Variants in UTRN observed in about 807,000 individuals in gnomAD.
UTRN encodes the protein dystrophin-related protein 1.
In UTRN, 283 loss-of-function variants were observed where a neutral mutation model predicts 463.9. That is an observed-to-expected ratio of 0.61 (90% CI 0.55 to 0.67). The LOEUF (loss-of-function observed/expected upper bound fraction) is 0.67, where lower values mean the gene tolerates loss of function less well. Ranked by LOEUF, UTRN falls within the 30% of genes least tolerant of loss-of-function variation. The pLI is 0.00. For synonymous variants in UTRN, 1,442 were observed against 1,431.5 expected (o/e 1.01, Z -0.17); for missense variants, 3,922 against 4,084.3 (o/e 0.96, Z 1.08).
At chr6:144,715,850 A>G (rs774657666) in intron 53 of UTRN, among the ~76,000 whole-genome samples, 2 of 151,546 alleles carry the variant, frequency 1.3e-5, no homozygotes, top group East Asian at 1.9e-4. Flanking sequence ...CCAAGGGAAC[A>G]TGTCCTTTGG....
chr6:144,660,580 A>G (rs1779773199), intron 51 of UTRN, among the ~76,000 whole-genome samples: 1 of 152,152 alleles, frequency 6.6e-6, no homozygotes, highest in Non-Finnish European at 1.5e-5. Context: ...AAAAAAAAAG[A>G]AAATGAAAAT....
chr6:144,667,761 A>G (rs1264673954), intron 51 of UTRN, among the ~76,000 whole-genome samples: 1 of 152,142 alleles, frequency 6.6e-6, no homozygotes, highest in Non-Finnish European at 1.5e-5. Context: ...GAGAATTTCT[A>G]TTTGGCACAT....
chr6:144,828,036 T>G (rs1780342563), intron 68 of UTRN, among the ~76,000 whole-genome samples: 1 of 152,156 alleles, frequency 6.6e-6, no homozygotes, highest in Admixed American at 6.6e-5. Context: ...GTAATTAAAT[T>G]TATGCTAATG....
At chr6:144,733,850 C>G (rs1365304232) in intron 54 of UTRN, among the ~76,000 whole-genome samples, 1 of 152,140 alleles carries the variant, frequency 6.6e-6, no homozygotes. Flanking sequence ...TGTTGGATAT[C>G]TAACATATGC....
intron 2 of UTRN, among the ~76,000 whole-genome samples, chr6:144,295,369 T>C (rs1804585730): frequency 6.6e-6 from 1 of 152,232 alleles, no homozygotes; most frequent in African/African-American, 2.4e-5. Flanking sequence ...CCCAGAGCCC[T>C]GTAGAAAGAG....
At chr6:144,752,040 T>A in intron 56 of UTRN, 88 bp downstream of exon 56, 1 of 1,289,228 alleles carries the variant, frequency 7.8e-7, no homozygotes, top group Middle Eastern at 2.0e-4. Context: ...CACCGTTTTC[T>A]CTTTCTTTGC....
chr6:144,660,844 A>G (rs1204432041), intron 51 of UTRN, among the ~76,000 whole-genome samples: 1 of 152,216 alleles, frequency 6.6e-6, no homozygotes, highest in Non-Finnish European at 1.5e-5. Context: ...ATGCACTGTG[A>G]AGCTTTAATG....
rs9386083 is a variant in UTRN at position 144,812,566 on chromosome 6, A to G, written c.9358-8316A>G. On this transcript the variant is annotated intron_variant, in intron 65 of 74. Transcript: ENST00000367545. ...AGGATACACATGCATTCATATAGAG[A>G]TATACAAACTCAAGCAAAAGATAGA... Among the ~76,000 whole-genome samples the G allele has an allele frequency of 3.1e-3, 475 of 152,310 alleles. 19 individuals carry two copies. In the East Asian group the frequency reaches 0.076, roughly 24 times the overall value.
intron 53 of UTRN, among the ~76,000 whole-genome samples, chr6:144,725,753 C>A (rs182053110): frequency 9.2e-5 from 14 of 152,292 alleles, no homozygotes; most frequent in African/African-American, 3.4e-4. Context: ...AAAGTTAAAT[C>A]TATTTCTGAC....
At chr6:144,551,125 C>T (rs1436610414) in intron 48 of UTRN, 43 bp downstream of exon 48, 2 of 1,282,966 alleles carry the variant, frequency 1.6e-6, no homozygotes, top group African/African-American at 3.3e-5. Context: ...TCCACTTTCC[C>T]TGCAAATGGT....
intron 52 of UTRN, among the ~76,000 whole-genome samples, chr6:144,679,764 T>A (rs1462223791): frequency 6.6e-6 from 1 of 152,178 alleles, no homozygotes; most frequent in East Asian, 1.9e-4. Flanking sequence ...TTACTTATCA[T>A]AAATGAATTA....
At chr6:144,758,528 C>G (rs924065323) in intron 58 of UTRN, among the ~76,000 whole-genome samples, 2 of 152,072 alleles carry the variant, frequency 1.3e-5, no homozygotes, top group Non-Finnish European at 2.9e-5. Context: ...TAGAAGTTAT[C>G]TGCATTATTA....
intron 58 of UTRN, chr6:144,758,327 GA>G (rs890990012): frequency 1.3e-4 from 21 of 167,708 alleles, no homozygotes; most frequent in African/African-American, 4.8e-4. Flanking sequence ...AAAAATTGGA[GA>G]AAAATGACAG....
At chr6:144,550,625 A>G (rs1376635335) in intron 47 of UTRN, among the ~76,000 whole-genome samples, 3 of 152,310 alleles carry the variant, frequency 2.0e-5, no homozygotes, top group South Asian at 2.1e-4. Context: ...TAATGTTTTC[A>G]GGGCATTTTT....
chr6:144,556,205 A>G (rs924773910), intron 49 of UTRN, among the ~76,000 whole-genome samples: 8 of 152,254 alleles, frequency 5.3e-5, no homozygotes, highest in Non-Finnish European at 1.2e-4. Flanking sequence ...TTAAGAAAGT[A>G]TATGTAGAAA....
At chr6:144,482,865 G>A (rs1420904872) in intron 27 of UTRN, among the ~76,000 whole-genome samples, 5 of 152,054 alleles carry the variant, frequency 3.3e-5, no homozygotes, top group Non-Finnish European at 5.9e-5. Flanking sequence ...TTAAATATGT[G>A]ACAGTTTTAC....
At chr6:144,649,071 G>T (rs9403572) in intron 51 of UTRN, among the ~76,000 whole-genome samples, 1 of 152,058 alleles carries the variant, frequency 6.6e-6, no homozygotes, top group Admixed American at 6.6e-5. Context: ...GGAGATGGCC[G>T]ATTTGGATAG....
intron 34 of UTRN, among the ~76,000 whole-genome samples, chr6:144,502,106 ATT>A (rs61605118): frequency 6.9e-6 from 1 of 144,082 alleles, no homozygotes. Flanking sequence ...TTTAAGTTTT[ATT>A]TTTTTTTTGA....
In UTRN at chr6:144,521,976, G is replaced by A; in HGVS notation, c.5542-4G>A. The A allele has an allele frequency of 7.2e-7, 1 of 1,392,850 alleles. No individual in the cohort carries two copies. Among genetic ancestry groups the A allele is most frequent in the Non-Finnish European group, 9.3e-7 (1 of 1,078,842 alleles). The allele number at this position is 1,392,850 out of a possible 1,614,324, so 86.3% of individuals were successfully genotyped here. ...ATATATTTTTTTTTTTGCTGTTTTTGTAGGCAATCCCTATTCAACAGAGGA... is the reference window on the plus strand; with the variant it reads ...ATATATTTTTTTTTTTGCTGTTTTTATAGGCAATCCCTATTCAACAGAGGA... On this transcript the variant is annotated splice_region_variant and splice_polypyrimidine_tract_variant and intron_variant, in intron 39 of 74. Transcript: ENST00000367545.
Sources: gnomAD v4.1 joint callset for allele counts (sites outside exome capture counted in the v4.1 genomes callset) on GRCh38, gnomAD v4.1.1 for gene constraint, MANE v1.5 for transcripts, NCBI Gene and HGNC (gene_info 2026-07-23, HGNC 2026-07-21) for gene names.